The following DENND1A variants were observed in gnomAD, a reference collection of about 807,000 sequenced individuals.
DENND1A encodes the protein DENN domain-containing protein 1A.
DENND1A carries 51 observed loss-of-function variants against 113.7 expected under a neutral mutation model. The ratio of observed to expected loss-of-function variants is 0.45; its 90% CI spans 0.36 to 0.57. The LOEUF (loss-of-function observed/expected upper bound fraction) is 0.57, where lower values mean the gene tolerates loss of function less well. Ranked by LOEUF, DENND1A falls within the 20% of genes least tolerant of loss-of-function variation. DENND1A has a pLI of 0.00. For synonymous variants in DENND1A, 565 were observed against 570.8 expected, an observed-to-expected ratio of 0.99 and a Z score of 0.14; for missense variants, 1,258 against 1,395.9, an observed-to-expected ratio of 0.90 and a Z score of 1.57.
chr9:123,606,720 G>A (rs2060169924), intron 11 of DENND1A, among the ~76,000 whole-genome samples: 1 of 152,200 alleles, frequency 6.6e-6, no homozygotes, highest in African/African-American at 2.4e-5. Context: ...TTTTCACAAA[G>A]CATTTGCTCA....
chr9:123,903,331 CAAAAAA>C (rs869154918), intron 1 of DENND1A, among the ~76,000 whole-genome samples: 4 of 27,010 alleles, frequency 1.5e-4, no homozygotes, highest in East Asian at 1.7e-3. Flanking sequence ...GACTCCGTCT[CAAAAAA>C]AAAAAAAAAA....
intron 11 of DENND1A, among the ~76,000 whole-genome samples, chr9:123,586,159 C>T (rs988568509): frequency 6.6e-6 from 1 of 152,086 alleles, no homozygotes; most frequent in Non-Finnish European, 1.5e-5. Context: ...ACCCCAGAAT[C>T]AACTACTTTG....
At chr9:123,699,641 C>T (rs1386881826) in intron 5 of DENND1A, among the ~76,000 whole-genome samples, 2 of 150,526 alleles carry the variant, frequency 1.3e-5, no homozygotes, top group African/African-American at 2.4e-5. Flanking sequence ...GGATACCCAA[C>T]TGCTCCATCG....
chr9:123,663,663 G>T (rs181696200), intron 8 of DENND1A, among the ~76,000 whole-genome samples: 31 of 151,894 alleles, frequency 2.0e-4, no homozygotes, highest in African/African-American at 7.5e-4. Context: ...GGTTGGAGGG[G>T]GTGGTGGTAA....
intron 13 of DENND1A, among the ~76,000 whole-genome samples, chr9:123,530,589 A>G (rs1043709215): frequency 3.9e-5 from 6 of 152,352 alleles, no homozygotes; most frequent in Non-Finnish European, 5.9e-5. Flanking sequence ...TGTTGACTGT[A>G]CAACTAACTA....
intron 5 of DENND1A, among the ~76,000 whole-genome samples, chr9:123,723,944 G>A (rs2067516245): frequency 6.6e-6 from 1 of 152,182 alleles, no homozygotes; most frequent in South Asian, 2.1e-4. Flanking sequence ...ATAGTATAAT[G>A]CAGTAGATGT....
chr9:123,618,948 C>T (rs565299487), intron 10 of DENND1A, among the ~76,000 whole-genome samples: 1 of 150,882 alleles, frequency 6.6e-6, no homozygotes, highest in Non-Finnish European at 1.5e-5. Flanking sequence ...TTTTTTATTT[C>T]TTCTTATTAT....
intron 13 of DENND1A, among the ~76,000 whole-genome samples, chr9:123,512,193 C>A (rs1048711877): frequency 6.6e-6 from 1 of 152,214 alleles, no homozygotes; most frequent in Non-Finnish European, 1.5e-5. Flanking sequence ...CATGCTGCAG[C>A]GGAAATATCA....
chr9:123,915,600 A>G (rs1854945688), intron 1 of DENND1A, among the ~76,000 whole-genome samples: 1 of 152,192 alleles, frequency 6.6e-6, no homozygotes, highest in African/African-American at 2.4e-5. Context: ...AGATGAGTAG[A>G]AGAGAGAAGT....
At chr9:123,590,986 C>A (rs372112472) in intron 11 of DENND1A, among the ~76,000 whole-genome samples, 41 of 152,270 alleles carry the variant, frequency 2.7e-4, no homozygotes, top group African/African-American at 7.0e-4. Flanking sequence ...CTCCCTGTCC[C>A]CTAACTTTTT....
chr9:123,847,668 C>T (rs1842800037), intron 2 of DENND1A, among the ~76,000 whole-genome samples: 1 of 152,220 alleles, frequency 6.6e-6, no homozygotes, highest in African/African-American at 2.4e-5. Flanking sequence ...GGCACAGTGG[C>T]TCACACTTGT....
chr9:123,722,351 G>C (rs1443300755), intron 5 of DENND1A, among the ~76,000 whole-genome samples: 1 of 152,206 alleles, frequency 6.6e-6, no homozygotes. Flanking sequence ...TTTGCAGCCT[G>C]ACAATACAAT....
At chr9:123,899,796 T>C (rs1431898648) in intron 1 of DENND1A, among the ~76,000 whole-genome samples, 3 of 152,180 alleles carry the variant, frequency 2.0e-5, no homozygotes, top group Non-Finnish European at 4.4e-5. Context: ...GTAGGAAAGG[T>C]CAGACCAATT....
intron 6 of DENND1A, 29 bp downstream of exon 6, chr9:123,676,691 T>G: frequency 4.4e-6 from 7 of 1,599,538 alleles, no homozygotes; most frequent in Non-Finnish European, 6.0e-6. Flanking sequence ...CTTATTTGTT[T>G]AAAAGAATTA....
chr9:123,605,344 G>A (rs529628832), intron 11 of DENND1A, among the ~76,000 whole-genome samples: 2 of 152,266 alleles, frequency 1.3e-5, no homozygotes, highest in African/African-American at 4.8e-5. Context: ...AAGCACCATC[G>A]ACCAGACATG....
chr9:123,570,741 C>T (rs1011224453), intron 12 of DENND1A, among the ~76,000 whole-genome samples: 9 of 152,296 alleles, frequency 5.9e-5, no homozygotes, highest in Non-Finnish European at 1.2e-4. Context: ...GTAGAAGTAT[C>T]AAGTCCATAA....
chr9:123,459,708 C>CA (rs1370751170), intron 13 of DENND1A, among the ~76,000 whole-genome samples: 2 of 152,106 alleles, frequency 1.3e-5, no homozygotes, highest in Non-Finnish European at 2.9e-5. Context: ...CCCCACCCCC[C>CA]AGCCCTGGTA....
chr9:123,391,953 G>C (rs762255160), intron 21 of DENND1A, among the ~76,000 whole-genome samples: 4 of 152,106 alleles, frequency 2.6e-5, no homozygotes, highest in Non-Finnish European at 4.4e-5. Flanking sequence ...CTGGCCGTCC[G>C]TCATGGATCA....
chr9:123,436,318 T>C (rs970709593), intron 19 of DENND1A, among the ~76,000 whole-genome samples: 4 of 152,242 alleles, frequency 2.6e-5, no homozygotes, highest in African/African-American at 9.6e-5. Context: ...TAGGAGTCTA[T>C]GGGCAGCTCC....
Sources: allele counts gnomAD v4.1 joint callset (sites outside exome capture counted in the v4.1 genomes callset), GRCh38; gene constraint gnomAD v4.1.1; transcripts MANE v1.5; gene names NCBI Gene and HGNC (gene_info 2026-07-23, HGNC 2026-07-21).